BAALC: variants seen among roughly 807,000 people sequenced by gnomAD.
The protein encoded by BAALC is brain and acute leukemia cytoplasmic protein.
BAALC carries 9 observed loss-of-function variants against 15.5 expected under a neutral mutation model. The observed-to-expected ratio is 0.58, with a 90% CI of 0.35 to 1.02. BAALC has a LOEUF of 1.02. BAALC is among the 50% of genes least tolerant of loss of function. BAALC has a pLI of 0.02. For missense variants in BAALC, 201 were observed against 192.4 expected (o/e 1.04, Z -0.27); for synonymous variants, 80 against 74.6 (o/e 1.07, Z -0.37).
intron 2 of BAALC, among the ~76,000 whole-genome samples, chr8:103,227,397 G>A (rs549756863): frequency 2.6e-5 from 4 of 152,122 alleles, no homozygotes; most frequent in Non-Finnish European, 5.9e-5. Flanking sequence ...CTTCCAGGGG[G>A]ACTCCCTCAC....
At chr8:103,206,263 C>T (rs1042168018) in intron 1 of BAALC, among the ~76,000 whole-genome samples, 1 of 152,096 alleles carries the variant, frequency 6.6e-6, no homozygotes, top group Non-Finnish European at 1.5e-5. Flanking sequence ...AGCTGAGAAC[C>T]CTGACTGATA....
At chr8:103,197,702 G>T (rs1812125404) in intron 1 of BAALC, among the ~76,000 whole-genome samples, 1 of 152,156 alleles carries the variant, frequency 6.6e-6, no homozygotes, top group African/African-American at 2.4e-5. Context: ...TACAATCATG[G>T]TGGAAGGTGA....
chr8:103,226,907 T>C (rs999641310), intron 2 of BAALC, among the ~76,000 whole-genome samples: 4 of 152,198 alleles, frequency 2.6e-5, no homozygotes, highest in Non-Finnish European at 4.4e-5. Context: ...TTGGAAAAAC[T>C]TGCCCATAGT....
At chr8:103,203,126 C>T (rs554558301) in intron 1 of BAALC, among the ~76,000 whole-genome samples, 84 of 152,344 alleles carry the variant, frequency 5.5e-4, no homozygotes, top group African/African-American at 2.0e-3. Context: ...TGTCAGCAGG[C>T]TCCTGCCTCA....
rs1779733071 is a variant in BAALC, at chr8:103,229,976, C to T, written c.*1877C>T. 6.6e-6 allele frequency: 1 copy of T among 152,168 alleles called. No homozygotes were observed. Among genetic ancestry groups the T allele is most frequent in the Admixed American group, 6.5e-5 (1 of 15,280 alleles). 9.4% of individuals were successfully genotyped at this position (152,168 alleles called of 1,614,324 possible). ...AGGGCTCTTTCTCCCTGGGGATGTG[C>T]TTTGTGGCTTCTCTTTACAGCTTTG... On this transcript the variant is annotated 3_prime_UTR_variant, in exon 3 of 3. Coordinates refer to ENST00000309982, the MANE Select transcript of BAALC (RefSeq NM_024812.3).
chr8:103,156,309 G>T (rs1211058700), intron 1 of BAALC, among the ~76,000 whole-genome samples: 1 of 152,202 alleles, frequency 6.6e-6, no homozygotes, highest in East Asian at 1.9e-4. Context: ...CACCGTGAAG[G>T]CAGTTTTTAA....
intron 1 of BAALC, among the ~76,000 whole-genome samples, chr8:103,144,855 T>C (rs1427392958): frequency 6.6e-6 from 1 of 152,198 alleles, no homozygotes; most frequent in Non-Finnish European, 1.5e-5. Context: ...TTACCCATCA[T>C]TTATTAATGA....
intron 1 of BAALC, among the ~76,000 whole-genome samples, chr8:103,143,305 G>A (rs1160706100): frequency 6.6e-6 from 1 of 151,966 alleles, no homozygotes; most frequent in Non-Finnish European, 1.5e-5. Context: ...CCCACCCCCT[G>A]CCAGTGCTTT....
chr8:103,189,275 T>C (rs370594745), intron 1 of BAALC, among the ~76,000 whole-genome samples: 4 of 152,240 alleles, frequency 2.6e-5, no homozygotes, highest in African/African-American at 4.8e-5. Context: ...TTTTAAAATA[T>C]GTAATTTAAT....
rs1382686400 is a variant in BAALC, at chr8:103,140,990, C to G, written c.93C>G (p.Thr31=). The G allele has an allele frequency of 1.3e-6, 2 of 1,532,344 alleles. No homozygotes were observed. The highest frequency in any genetic ancestry group is 1.8e-6 in the Non-Finnish European group (2 of 1,140,572). 94.9% of individuals were successfully genotyped at this position (1,532,344 alleles called of 1,614,324 possible). A position where few individuals can be genotyped will look rare whatever the true frequency, so the allele number is the denominator to read the frequency against. ...RETESTWLTY[T]DSDAPPSAAA... ...CAGAATCCACCTGGCTCACCTACAC[C>G]GACTCGGACGCGCCGCCCAGCGCCG... The change falls in exon 1 of 3, where the codon ACC becomes ACG. Residue 31 remains threonine (T), a synonymous_variant. Coordinates refer to ENST00000309982, the MANE Select transcript of BAALC (RefSeq NM_024812.3). This position sits in a 1 kb window ranked among gnomAD's most constrained non-coding sequence, Gnocchi z 4.2.
At chr8:103,208,026 C>A (rs937050043) in intron 1 of BAALC, among the ~76,000 whole-genome samples, 1 of 152,210 alleles carries the variant, frequency 6.6e-6, no homozygotes, top group East Asian at 1.9e-4. Context: ...AATGCCAATC[C>A]CCCAAGCTGG....
At chr8:103,157,388 A>G (rs1361527397) in intron 1 of BAALC, among the ~76,000 whole-genome samples, 1 of 152,200 alleles carries the variant, frequency 6.6e-6, no homozygotes, top group Non-Finnish European at 1.5e-5. Flanking sequence ...ACGCATTGCA[A>G]ATCTTGTTTC....
At chr8:103,223,245 T>C (rs1586445294) in intron 2 of BAALC, among the ~76,000 whole-genome samples, 1 of 152,060 alleles carries the variant, frequency 6.6e-6, no homozygotes, top group South Asian at 2.1e-4. Flanking sequence ...GAGGCAGAGG[T>C]TGCAGTGAGC....
At chr8:103,178,705 A>C (rs967869040) in intron 1 of BAALC, among the ~76,000 whole-genome samples, 5 of 152,042 alleles carry the variant, frequency 3.3e-5, no homozygotes, top group East Asian at 1.9e-4. Flanking sequence ...AAAAATACAA[A>C]AATTAGCTGG....
chr8:103,186,823 G>A (rs1175915242), intron 1 of BAALC, among the ~76,000 whole-genome samples: 1 of 152,168 alleles, frequency 6.6e-6, no homozygotes, highest in Non-Finnish European at 1.5e-5. Context: ...CTTGAGCTGA[G>A]CTATTTCATA....
chr8:103,202,770 A>G (rs1200794552), intron 1 of BAALC: 5 of 152,276 alleles, frequency 3.3e-5, no homozygotes, highest in African/African-American at 9.6e-5. Flanking sequence ...GACACCCCAC[A>G]GTAATTAACA....
intron 1 of BAALC, among the ~76,000 whole-genome samples, chr8:103,199,717 T>C (rs1812172170): frequency 6.6e-6 from 1 of 152,108 alleles, no homozygotes; most frequent in African/African-American, 2.4e-5. Flanking sequence ...CAGGTAAACT[T>C]GTGTCATGGG....
chr8:103,173,915 T>A (rs1811551694), intron 1 of BAALC, among the ~76,000 whole-genome samples: 1 of 152,222 alleles, frequency 6.6e-6, no homozygotes. Flanking sequence ...CACAGACTTG[T>A]AGTCTACATA....
intron 1 of BAALC, among the ~76,000 whole-genome samples, chr8:103,158,451 C>A (rs1249215931): frequency 6.6e-6 from 1 of 152,068 alleles, no homozygotes; most frequent in Non-Finnish European, 1.5e-5. Context: ...AAATAGAGAA[C>A]TTTCATACTT....
Sources: gnomAD v4.1 joint callset for allele counts (sites outside exome capture counted in the v4.1 genomes callset) on GRCh38, gnomAD v4.1.1 for gene constraint, Gnocchi (gnomAD v3.1) non-coding constraint, MANE v1.5 for transcripts, NCBI Gene and HGNC (gene_info 2026-07-23, HGNC 2026-07-21) for gene names.